Variants in MARCHF3 observed in about 807,000 individuals in gnomAD.
MARCHF3 encodes membrane associated ring-CH-type finger 3.
MARCHF3 carries 13 observed loss-of-function variants against 24.2 expected under a neutral mutation model. The ratio of observed to expected loss-of-function variants is 0.54; its 90% confidence interval spans 0.35 to 0.85. MARCHF3 has a LOEUF of 0.85. MARCHF3 is among the 40% of genes least tolerant of loss of function. The pLI, the probability that MARCHF3 is intolerant of heterozygous loss-of-function variation, is 0.01. For synonymous variants in MARCHF3, 144 were observed against 137.3 expected (o/e 1.05, Z -0.34); for missense variants, 276 against 325.0 (o/e 0.85, Z 1.16).
chr5:126,926,828 T>C (rs1422794786), intron 1 of MARCHF3, among the ~76,000 whole-genome samples: 2 of 150,980 alleles, frequency 1.3e-5, no homozygotes, highest in Non-Finnish European at 2.9e-5. Flanking sequence ...GGACTTTTGA[T>C]AATGGGAAGT....
chr5:127,005,809 A>G (rs1752294111), intron 1 of MARCHF3, among the ~76,000 whole-genome samples: 1 of 151,948 alleles, frequency 6.6e-6, no homozygotes, highest in South Asian at 2.1e-4. Context: ...ACATTTATGT[A>G]CATACATGTA....
intron 1 of MARCHF3, among the ~76,000 whole-genome samples, chr5:126,920,883 T>C (rs1176613692): frequency 6.6e-6 from 1 of 152,144 alleles, no homozygotes; most frequent in African/African-American, 2.4e-5. Context: ...CATTTCTTCT[T>C]TCACAGGTAA....
At chr5:126,939,058 T>G (rs1337054291) in intron 1 of MARCHF3, among the ~76,000 whole-genome samples, 1 of 152,208 alleles carries the variant, frequency 6.6e-6, no homozygotes, top group East Asian at 1.9e-4. Context: ...TTAGAAAGAT[T>G]GCCAGAGGTT....
chr5:126,996,311 G>C (rs1276027364), intron 1 of MARCHF3, among the ~76,000 whole-genome samples: 1 of 152,130 alleles, frequency 6.6e-6, no homozygotes, highest in African/African-American at 2.4e-5. Context: ...TATCTGATTT[G>C]GCAATTAAGG....
chr5:126,911,376 C>A (rs540083215), intron 3 of MARCHF3, among the ~76,000 whole-genome samples: 1 of 152,206 alleles, frequency 6.6e-6, no homozygotes, highest in Non-Finnish European at 1.5e-5. Flanking sequence ...CTCCCCCAGA[C>A]ACCCAGCTTT....
At chr5:126,971,760 G>A (rs1420049377) in intron 1 of MARCHF3, among the ~76,000 whole-genome samples, 1 of 152,190 alleles carries the variant, frequency 6.6e-6, no homozygotes, top group African/African-American at 2.4e-5. Context: ...ATCCCAGTAA[G>A]TGACAATTAG....
At chr5:126,913,976 CTTTTTTTTTTTTTT>C (rs1169856446) in intron 3 of MARCHF3, among the ~76,000 whole-genome samples, 3 of 107,904 alleles carry the variant, frequency 2.8e-5, no homozygotes, top group Admixed American at 2.2e-4. Context: ...CAATATCCAA[CTTTTTTTTTTTTTT>C]TTTTTTTTTT....
chr5:126,912,953 T>G (rs796284078), intron 3 of MARCHF3, among the ~76,000 whole-genome samples: 22 of 152,360 alleles, frequency 1.4e-4, no homozygotes, highest in African/African-American at 5.3e-4. Flanking sequence ...GGCGAGGCCC[T>G]AAATCTTGTA....
At chr5:127,020,331 G>T (rs149509398) in intron 1 of MARCHF3, among the ~76,000 whole-genome samples, 12 of 152,336 alleles carry the variant, frequency 7.9e-5, no homozygotes, top group African/African-American at 2.9e-4. Context: ...TTAGGGACAA[G>T]AGGATTAAAG....
intron 1 of MARCHF3, among the ~76,000 whole-genome samples, chr5:126,950,217 T>C (rs774969778): frequency 6.6e-6 from 1 of 152,224 alleles, no homozygotes; most frequent in Non-Finnish European, 1.5e-5. Context: ...GTCAACTCGA[T>C]GCCTGCACTC....
At chr5:126,912,269 G>A (rs1433247343) in intron 3 of MARCHF3, among the ~76,000 whole-genome samples, 1 of 152,218 alleles carries the variant, frequency 6.6e-6, no homozygotes, top group Non-Finnish European at 1.5e-5. Flanking sequence ...TATGCAGAAC[G>A]AAGGACTGAG....
intron 1 of MARCHF3, among the ~76,000 whole-genome samples, chr5:126,957,630 AC>A (rs1429462514): frequency 6.6e-6 from 1 of 152,144 alleles, no homozygotes; most frequent in East Asian, 1.9e-4. Flanking sequence ...AAATTCTTAT[AC>A]ATACTTGAAT....
chr5:127,009,258 T>A (rs532753659), intron 1 of MARCHF3, among the ~76,000 whole-genome samples: 1 of 152,216 alleles, frequency 6.6e-6, no homozygotes, highest in Non-Finnish European at 1.5e-5. Flanking sequence ...TGATTGCTTA[T>A]GTCTATGTTT....
rs149264096 is a variant in MARCHF3 at position 126,992,235 on chromosome 5, G to C, written c.-57+38115C>G. On this transcript the variant is annotated intron_variant, in intron 1 of 4. Transcript: ENST00000308660. ...AAACAAACTTCTTCTCCATACCACA[G>C]GATACCATATTTATTAGTCTTTATC... Among the ~76,000 whole-genome samples, 143 of 152,108 alleles carry C rather than the reference G, an allele frequency of 9.4e-4. 1 individual carries two copies. The highest frequency in any genetic ancestry group is 3.2e-3 in the African/African-American group (134 of 41,410).
intron 1 of MARCHF3, among the ~76,000 whole-genome samples, chr5:126,920,369 A>G (rs918176637): frequency 6.6e-6 from 1 of 152,164 alleles, no homozygotes; most frequent in Non-Finnish European, 1.5e-5. Context: ...CTCCATTGAC[A>G]TGATTTTAAA....
intron 2 of MARCHF3, among the ~76,000 whole-genome samples, chr5:126,916,816 G>A (rs983924597): frequency 6.6e-6 from 1 of 151,800 alleles, no homozygotes; most frequent in African/African-American, 2.4e-5. Context: ...AGGGTGAGTG[G>A]GGCACATCAG....
chr5:126,914,574 A>C (rs1213942875), intron 3 of MARCHF3: 1 of 347,728 alleles, frequency 2.9e-6, no homozygotes, highest in Non-Finnish European at 5.3e-6. Flanking sequence ...CAAGTTGGGC[A>C]GATGGTGCGC....
At chr5:127,025,809 C>T (rs1218381406) in intron 1 of MARCHF3, among the ~76,000 whole-genome samples, 1 of 152,182 alleles carries the variant, frequency 6.6e-6, no homozygotes, top group Non-Finnish European at 1.5e-5. Context: ...AATCCACAAG[C>T]TTAAGCTGTT....
chr5:126,932,183 A>G (rs1436427633), intron 1 of MARCHF3, among the ~76,000 whole-genome samples: 2 of 152,258 alleles, frequency 1.3e-5, no homozygotes, highest in Admixed American at 6.5e-5. Flanking sequence ...CTATACTGAC[A>G]TTAACATGAG....
Sources: gnomAD v4.1 joint callset for allele counts (sites outside exome capture counted in the v4.1 genomes callset) on GRCh38, gnomAD v4.1.1 for gene constraint, MANE v1.5 for transcripts, NCBI Gene and HGNC (gene_info 2026-07-23, HGNC 2026-07-21) for gene names.